Variants in METTL15 observed in about 807,000 individuals in gnomAD.
METTL15 encodes methyltransferase 15, mitochondrial 12S rRNA N4-cytidine.
A neutral mutation model predicts 38.3 loss-of-function variants in METTL15; 34 were observed. The observed-to-expected ratio is 0.89, with a 90% CI of 0.68 to 1.18. The LOEUF (loss-of-function observed/expected upper bound fraction) is 1.18, where lower values mean the gene tolerates loss of function less well. Ranked by LOEUF, METTL15 falls within the 50% of genes most tolerant of loss-of-function variation. The pLI, the probability that METTL15 is intolerant of heterozygous loss-of-function variation, is 0.00. For synonymous variants in METTL15, 162 were observed against 170.9 expected (o/e 0.95, Z 0.41); for missense variants, 438 against 498.4 (o/e 0.88, Z 1.15).
At chr11:28,450,384 C>T (rs1025833615) in intron 6 of METTL15, among the ~76,000 whole-genome samples, 1 of 152,128 alleles carries the variant, frequency 6.6e-6, no homozygotes. Context: ...GGCTTATTTA[C>T]AATGAGGAAA....
At position 28,330,441 on chromosome 11, in the gene METTL15, A is replaced by G. The variant is rs1374164373; in HGVS notation, c.824A>G (p.Gln275Arg). The change falls in exon 7 of 7, where the codon CAG becomes CGG. Residue 275 changes from glutamine to arginine, a missense_variant. By Grantham distance (43) the Gln-to-Arg change is conservative. Transcript: ENST00000407364. ...ATTTATACACGGAAAGACTTACTAC[A>G]GCGATCTACCCATATTGCCACCAAG... is the stretch of plus-strand genomic sequence containing the variant. Reference protein sequence around the residue: ...SAIYTRKDLLQRSTHIATKTF... With the variant: ...SAIYTRKDLLRRSTHIATKTF... The G allele has an allele frequency of 3.2e-6, 5 of 1,551,024 alleles. No individual in the cohort carries two copies. Among genetic ancestry groups the G allele is most frequent in the African/African-American group, 1.4e-5 (1 of 72,986 alleles).
At chr11:28,293,772 G>A (rs956508378) in intron 5 of METTL15, among the ~76,000 whole-genome samples, 4 of 152,088 alleles carry the variant, frequency 2.6e-5, no homozygotes, top group South Asian at 2.1e-4. Context: ...GGTTCTTCAC[G>A]TCCTTTGTCA....
intron 4 of METTL15, among the ~76,000 whole-genome samples, chr11:28,359,844 T>C (rs1030339292): frequency 6.6e-6 from 1 of 152,174 alleles, no homozygotes; most frequent in African/African-American, 2.4e-5. Flanking sequence ...TAACTTTAAT[T>C]ATATGAGTTG....
At chr11:28,305,447 A>G (rs1487563586) in intron 6 of METTL15, among the ~76,000 whole-genome samples, 1 of 152,214 alleles carries the variant, frequency 6.6e-6, no homozygotes, top group Non-Finnish European at 1.5e-5. Context: ...ACAGCAACCC[A>G]TGAGGCTGGT....
chr11:28,183,937 T>C (rs1590122368), intron 3 of METTL15, among the ~76,000 whole-genome samples: 1 of 152,042 alleles, frequency 6.6e-6, no homozygotes, highest in African/African-American at 2.4e-5. Flanking sequence ...ATTTCAGAAC[T>C]TGTTATTGGT....
chr11:28,465,495 A>G (rs891536958), intron 6 of METTL15, among the ~76,000 whole-genome samples: 3 of 152,182 alleles, frequency 2.0e-5, no homozygotes, highest in African/African-American at 7.2e-5. Flanking sequence ...CTTCTGAGAC[A>G]TCTCCACTTC....
chr11:28,405,752 T>C (rs913986904), intron 5 of METTL15, among the ~76,000 whole-genome samples: 16 of 152,194 alleles, frequency 1.1e-4, no homozygotes, highest in Non-Finnish European at 4.4e-5. Flanking sequence ...AACTCTGCTG[T>C]AGATTTACAA....
chr11:28,399,269 C>T (rs1180694378), intron 5 of METTL15, among the ~76,000 whole-genome samples: 3 of 151,920 alleles, frequency 2.0e-5, no homozygotes, highest in African/African-American at 7.2e-5. Context: ...AAACTGGACC[C>T]CTTCCTTACA....
intron 3 of METTL15, among the ~76,000 whole-genome samples, chr11:28,178,694 C>G (rs941617317): frequency 6.6e-6 from 1 of 151,622 alleles, no homozygotes; most frequent in Non-Finnish European, 1.5e-5. Context: ...TTTTAATAGT[C>G]CCATTTTTCA....
At chr11:28,298,854 G>A (rs973293453) in intron 6 of METTL15, among the ~76,000 whole-genome samples, 1 of 151,966 alleles carries the variant, frequency 6.6e-6, no homozygotes, top group Non-Finnish European at 1.5e-5. Context: ...AAACAAAAAT[G>A]TGTTTTCATT....
intron 4 of METTL15, among the ~76,000 whole-genome samples, chr11:28,226,803 T>C (rs902362909): frequency 1.4e-4 from 21 of 151,882 alleles, no homozygotes; most frequent in African/African-American, 3.9e-4. Flanking sequence ...CTACCTAAAA[T>C]TTAGACTTTT....
intron 4 of METTL15, among the ~76,000 whole-genome samples, chr11:28,225,374 A>AC (rs1853433335): frequency 6.6e-6 from 1 of 151,926 alleles, no homozygotes. Flanking sequence ...TTTAAGATAA[A>AC]TATGCAGAAA....
At chr11:28,238,415 G>C (rs1414090621) in intron 4 of METTL15, among the ~76,000 whole-genome samples, 1 of 152,240 alleles carries the variant, frequency 6.6e-6, no homozygotes, top group African/African-American at 2.4e-5. Context: ...TGAGCCAGGT[G>C]TGGGTTATAA....
chr11:28,473,182 A>T (rs183586069), intron 6 of METTL15, among the ~76,000 whole-genome samples: 2 of 152,288 alleles, frequency 1.3e-5, no homozygotes, highest in Non-Finnish European at 2.9e-5. Flanking sequence ...TGTTTAAAGT[A>T]TGGATTACCT....
downstream of METTL15, among the ~76,000 whole-genome samples, chr11:28,333,675 A>G (rs543461244): frequency 6.6e-6 from 1 of 151,974 alleles, no homozygotes; most frequent in Admixed American, 6.6e-5. Context: ...ATTAATTACT[A>G]TGTTCTTTGA....
intron 6 of METTL15, among the ~76,000 whole-genome samples, chr11:28,438,236 G>C (rs1160559071): frequency 2.0e-5 from 3 of 152,158 alleles, no homozygotes. Context: ...CAGTGAGAAA[G>C]AGAAATTGTG....
At chr11:28,309,187 CGTT>C (rs557487066) in intron 6 of METTL15, among the ~76,000 whole-genome samples, 2 of 152,166 alleles carry the variant, frequency 1.3e-5, no homozygotes, top group South Asian at 4.1e-4. Context: ...CTCTTCCTGG[CGTT>C]GTTGTCCTTA....
intron 4 of METTL15, among the ~76,000 whole-genome samples, chr11:28,232,723 T>A (rs1853738114): frequency 6.6e-6 from 1 of 151,968 alleles, no homozygotes. Flanking sequence ...ATTGCTAGAT[T>A]TCAGGCACCT....
chr11:28,527,600 A>G (rs1343303961), downstream of METTL15, among the ~76,000 whole-genome samples: 1 of 152,202 alleles, frequency 6.6e-6, no homozygotes, highest in African/African-American at 2.4e-5. Context: ...TAAATGCACA[A>G]TTGCAACTTT....
Sources: allele counts gnomAD v4.1 joint callset (sites outside exome capture counted in the v4.1 genomes callset), GRCh38; gene constraint gnomAD v4.1.1; transcripts MANE v1.5; gene names NCBI Gene and HGNC (gene_info 2026-07-23, HGNC 2026-07-21).